Variants in HS6ST2 observed in about 807,000 individuals in gnomAD.
The protein encoded by HS6ST2 is heparan sulfate 6-O-sulfotransferase 2.
HS6ST2 carries 17 observed loss-of-function variants against 33.0 expected under a neutral mutation model. That is an observed-to-expected ratio of 0.52 (90% confidence interval 0.35 to 0.77). The LOEUF is 0.77. Among genes scored for constraint, HS6ST2 ranks in the 30% least tolerant of loss-of-function variants. The pLI, the probability that HS6ST2 is intolerant of heterozygous loss-of-function variation, is 0.01. For missense variants in HS6ST2, 519 were observed against 551.7 expected, an observed-to-expected ratio of 0.94 and a Z score of 0.59; for synonymous variants, 248 against 237.1, an observed-to-expected ratio of 1.05 and a Z score of -0.42.
intron 2 of HS6ST2, among the ~76,000 whole-genome samples, chrX:132,928,192 C>T (rs1325314627): frequency 9.4e-6 from 1 of 106,936 alleles, no homozygotes; most frequent in African/African-American, 3.4e-5. Flanking sequence ...AATCTTGGCT[C>T]ACTGCACCTC....
At chrX:132,945,536 C>T (rs923442926) in intron 2 of HS6ST2, among the ~76,000 whole-genome samples, 3 of 110,808 alleles carry the variant, frequency 2.7e-5, no homozygotes, top group African/African-American at 9.9e-5. Flanking sequence ...AATCATGCTG[C>T]CATAAAGACA....
At chrX:132,818,138 T>A (rs1259924960) in intron 2 of HS6ST2, among the ~76,000 whole-genome samples, 1 of 110,926 alleles carries the variant, frequency 9.0e-6, no homozygotes, top group Non-Finnish European at 1.9e-5. Context: ...CCCAAAAGGT[T>A]TGTAATCCTA....
At chrX:132,655,112 C>T (rs2063721092) in intron 4 of HS6ST2, among the ~76,000 whole-genome samples, 1 of 112,189 alleles carries the variant, frequency 8.9e-6, no homozygotes, top group Admixed American at 9.5e-5. Context: ...TTCTCTCCTC[C>T]TTCTTTCACA....
At chrX:132,938,260 G>GC (rs1556504267) in intron 2 of HS6ST2, among the ~76,000 whole-genome samples, 1 of 105,060 alleles carries the variant, frequency 9.5e-6, no homozygotes, top group Non-Finnish European at 2.0e-5. Context: ...TCCATTCATT[G>GC]TTTTTTTTTT....
chrX:132,684,444 G>A (rs143826306), intron 3 of HS6ST2, among the ~76,000 whole-genome samples: 143 of 109,335 alleles, frequency 1.3e-3, no homozygotes, highest in African/African-American at 4.7e-3. Context: ...ATACCACATT[G>A]GAAGGTAGGC....
intron 2 of HS6ST2, among the ~76,000 whole-genome samples, chrX:132,803,809 G>A (rs73239329): frequency 2.1e-3 from 230 of 111,928 alleles, no homozygotes; most frequent in Non-Finnish European, 3.8e-3. Flanking sequence ...TATAACATAC[G>A]TATACAAATA....
intron 2 of HS6ST2, among the ~76,000 whole-genome samples, chrX:132,854,310 A>G (rs2065831861): frequency 8.9e-6 from 1 of 112,374 alleles, no homozygotes; most frequent in South Asian, 3.7e-4. Context: ...TCAGGTACTA[A>G]CCTATTCATG....
At chrX:132,870,005 T>C (rs1032440039) in intron 2 of HS6ST2, among the ~76,000 whole-genome samples, 1 of 111,557 alleles carries the variant, frequency 9.0e-6, no homozygotes, top group African/African-American at 3.3e-5. Context: ...CATGATTGTA[T>C]ATCTAGAAAA....
chrX:132,683,501 C>T (rs1330506099), intron 3 of HS6ST2, among the ~76,000 whole-genome samples: 1 of 111,941 alleles, frequency 8.9e-6, no homozygotes, highest in East Asian at 2.8e-4. Context: ...ACAATCCTAG[C>T]ACCCGTAATT....
At chrX:132,664,470 C>A (rs898833073) in intron 4 of HS6ST2, among the ~76,000 whole-genome samples, 1 of 111,925 alleles carries the variant, frequency 8.9e-6, no homozygotes, top group African/African-American at 3.2e-5. Context: ...AAGGTACTTC[C>A]GGCAAAGGCA....
At chrX:132,842,200 C>T (rs903231870) in intron 2 of HS6ST2, among the ~76,000 whole-genome samples, 26 of 111,559 alleles carry the variant, frequency 2.3e-4, no homozygotes, top group Admixed American at 2.2e-3. Flanking sequence ...CCACACACAG[C>T]CACAAACAAC....
intron 3 of HS6ST2, among the ~76,000 whole-genome samples, chrX:132,688,876 A>G (rs1372588508): frequency 8.9e-6 from 1 of 112,456 alleles, no homozygotes; most frequent in Non-Finnish European, 1.9e-5. Flanking sequence ...TCTAAGCTCT[A>G]GCTAATACAG....
chrX:132,960,908 A>G (rs1373202792), upstream of HS6ST2, among the ~76,000 whole-genome samples: 1 of 110,909 alleles, frequency 9.0e-6, no homozygotes, highest in Non-Finnish European at 1.9e-5. Context: ...TCCCTCCAGG[A>G]TTGAAGAGGC....
At chrX:132,886,881 T>C (rs1309439465) in intron 2 of HS6ST2, among the ~76,000 whole-genome samples, 1 of 111,409 alleles carries the variant, frequency 9.0e-6, no homozygotes, top group Non-Finnish European at 1.9e-5. Context: ...ACGCCTGTAA[T>C]CCCAGCACTT....
rs371695680 is a variant in HS6ST2, at chrX:132,686,887, G to A, written c.981-17688C>T. Among the ~76,000 whole-genome samples the A allele has an allele frequency of 6.3e-5, 7 of 111,420 alleles. No individual in the cohort carries two copies. The East Asian group carries it at 2.0e-3, about 31-fold the overall frequency. On this transcript the variant is annotated intron_variant, in intron 3 of 4. Transcript: ENST00000370833. ...TAACAACCCACTTACCACCTGCTAC[G>A]GGCAAAATGCTAGTGATACAAAGAT... is the stretch of plus-strand genomic sequence containing the variant.
chrX:132,765,697 C>T (rs981354686), intron 2 of HS6ST2, among the ~76,000 whole-genome samples: 8 of 111,501 alleles, frequency 7.2e-5, no homozygotes, highest in Non-Finnish European at 1.1e-4. Context: ...GCAATCCTCC[C>T]GCCTTGGCCT....
chrX:132,935,728 A>G (rs995340670), intron 2 of HS6ST2, among the ~76,000 whole-genome samples: 1 of 111,026 alleles, frequency 9.0e-6, no homozygotes, highest in African/African-American at 3.3e-5. Flanking sequence ...AAAATAACCA[A>G]TAAGTCAAGG....
intron 2 of HS6ST2, among the ~76,000 whole-genome samples, chrX:132,875,500 G>GA (rs1360485227): frequency 9.0e-6 from 1 of 110,644 alleles, no homozygotes; most frequent in Non-Finnish European, 1.9e-5. Flanking sequence ...AAAAAAATGT[G>GA]AAAAAAAAGT....
chrX:132,637,918 T>TTATATATAATATATATAAAATATTTTA lies in HS6ST2; in HGVS notation c.1068-8826_1068-8825insTAAAATATTTTATATATATTATATATA, dbSNP rs1569476031. The stretch of plus-strand genomic sequence containing the variant: ...TATATATAATATTATATATAATATT[T>TTATATATAATATATATAAAATATTTTA]TATATATATATTATATATAATATTT... On this transcript the variant is annotated intron_variant, in intron 4 of 4. Coordinates refer to ENST00000370833, the MANE Select transcript of HS6ST2 (RefSeq NM_001394073.1). Among the ~76,000 whole-genome samples, 18 of 51,069 alleles carry TTATATATAATATATATAAAATATTTTA rather than the reference T, an allele frequency of 3.5e-4. 1 individual carries two copies. In the African/African-American group the frequency reaches 4.0e-3, roughly 11 times the overall value. The allele number at this position is 51,069 out of a possible 115,157, so 44.3% of individuals were successfully genotyped here. A position where few individuals can be genotyped will look rare whatever the true frequency, so the allele number is the denominator to read the frequency against.
Sources: allele counts gnomAD v4.1 joint callset (sites outside exome capture counted in the v4.1 genomes callset), GRCh38; gene constraint gnomAD v4.1.1; transcripts MANE v1.5; gene names NCBI Gene and HGNC (gene_info 2026-07-23, HGNC 2026-07-21).